The following GLIS3 variants were observed in gnomAD, a reference collection of about 807,000 sequenced individuals.
GLIS3 encodes GLIS family zinc finger 3, also known as zinc finger protein GLIS3.
In GLIS3, 53 loss-of-function variants were observed where a neutral mutation model predicts 78.6. That is an observed-to-expected ratio of 0.67 (90% CI 0.54 to 0.85). The LOEUF is 0.85. Among genes scored for constraint, GLIS3 ranks in the 40% least tolerant of loss-of-function variants. GLIS3 has a pLI of 0.00. For missense variants in GLIS3, 1,703 were observed against 1,231.1 expected, an observed-to-expected ratio of 1.38 and a Z score of -5.74; for synonymous variants, 684 against 509.9, an observed-to-expected ratio of 1.34 and a Z score of -4.60.
chr9:4,226,097 C>G (rs1247467499), intron 2 of GLIS3, among the ~76,000 whole-genome samples: 3 of 152,198 alleles, frequency 2.0e-5, no homozygotes, highest in African/African-American at 7.2e-5. Context: ...CAACTTCAAA[C>G]ATACGCTGGT....
chr9:4,265,129 G>A (rs532288452), intron 2 of GLIS3, among the ~76,000 whole-genome samples: 2 of 144,220 alleles, frequency 1.4e-5, no homozygotes, highest in Non-Finnish European at 3.0e-5. Flanking sequence ...CCGAGATCAC[G>A]CCACTGCACT....
the GLIS3 span, among the ~76,000 whole-genome samples, chr9:4,416,529 C>G: frequency 6.6e-6 from 1 of 151,892 alleles, no homozygotes; most frequent in Non-Finnish European, 1.5e-5. Flanking sequence ...ATAATATGAA[C>G]TATATTTTTT....
intron 2 of GLIS3, among the ~76,000 whole-genome samples, chr9:4,164,941 G>T (rs1835765191): frequency 1.3e-5 from 2 of 152,164 alleles, no homozygotes; most frequent in African/African-American, 4.8e-5. Flanking sequence ...GGGAAGTGAA[G>T]AGAGATTGAT....
Position 3,854,235 on chromosome 9 carries a change from C to G in GLIS3, c.2473+1774G>C, listed in dbSNP as rs1014604367. Among the ~76,000 whole-genome samples the G allele has an allele frequency of 3.3e-5, 5 of 152,216 alleles. No homozygotes were observed. The South Asian group carries it at 1.0e-3, about 32-fold the overall frequency. ...CTCAATTTGACTGTCTTTTGCATGC[C>G]TTGATGCCTTGTCTTGTGCACAGTA... On this transcript the variant is annotated intron_variant, in intron 9 of 10. Transcript: ENST00000381971.
At chr9:4,370,135 T>C in the GLIS3 span, among the ~76,000 whole-genome samples, 3 of 129,378 alleles carry the variant, frequency 2.3e-5, no homozygotes, top group Non-Finnish European at 4.6e-5. Flanking sequence ...GAGGTTGCAG[T>C]CATCCAAGAT....
At chr9:4,101,902 G>A (rs552945260) in intron 4 of GLIS3, among the ~76,000 whole-genome samples, 2 of 152,150 alleles carry the variant, frequency 1.3e-5, no homozygotes, top group Non-Finnish European at 2.9e-5. Flanking sequence ...TTCACTTCCA[G>A]AACAAAGTGG....
intron 2 of GLIS3, among the ~76,000 whole-genome samples, chr9:4,316,601 A>G (rs893507408): frequency 2.0e-5 from 3 of 152,148 alleles, no homozygotes; most frequent in Non-Finnish European, 4.4e-5. Context: ...CAAAGTGTGC[A>G]TGCTAGGTGA....
chr9:4,469,594 C>A, the GLIS3 span, among the ~76,000 whole-genome samples: 2 of 152,246 alleles, frequency 1.3e-5, no homozygotes, highest in East Asian at 1.9e-4. Context: ...CCAAACATAA[C>A]AAAGACACAA....
At chr9:4,070,075 C>T (rs1298210509) in intron 4 of GLIS3, among the ~76,000 whole-genome samples, 2 of 152,114 alleles carry the variant, frequency 1.3e-5, no homozygotes, top group Non-Finnish European at 2.9e-5. Context: ...AATCAAAATA[C>T]TCAAGTGATT....
chr9:4,069,164 G>A (rs369273223), intron 4 of GLIS3, among the ~76,000 whole-genome samples: 1 of 152,162 alleles, frequency 6.6e-6, no homozygotes, highest in Non-Finnish European at 1.5e-5. Flanking sequence ...GGAACCTGCC[G>A]AGCAGAGGAG....
intron 2 of GLIS3, among the ~76,000 whole-genome samples, chr9:4,203,956 C>T (rs1043062163): frequency 2.0e-5 from 3 of 152,184 alleles, no homozygotes; most frequent in Non-Finnish European, 4.4e-5. Context: ...AAGACTACTA[C>T]AGTGGGGAAA....
chr9:4,329,033 G>T (rs10974471), intron 2 of GLIS3, among the ~76,000 whole-genome samples: 36,372 of 152,130 alleles, frequency 0.24, 6,194 homozygotes, highest in African/African-American at 0.49. Flanking sequence ...ATGAGTAAGA[G>T]TCTCTCAAAT....
At chr9:4,033,588 T>C (rs1824040570) in intron 4 of GLIS3, among the ~76,000 whole-genome samples, 1 of 152,242 alleles carries the variant, frequency 6.6e-6, no homozygotes, top group South Asian at 2.1e-4. Flanking sequence ...AATAGGAGCA[T>C]GGACTTCCCC....
At chr9:3,889,981 G>A (rs1822324335) in intron 7 of GLIS3, among the ~76,000 whole-genome samples, 1 of 152,126 alleles carries the variant, frequency 6.6e-6, no homozygotes, top group Non-Finnish European at 1.5e-5. Context: ...TTTGAGGTAA[G>A]CAACAGTCAA....
chr9:3,833,444 T>C (rs554496740), intron 9 of GLIS3, among the ~76,000 whole-genome samples: 1 of 152,254 alleles, frequency 6.6e-6, no homozygotes, highest in Admixed American at 6.5e-5. Context: ...ATTCCAGCGG[T>C]TGGATTTCAC....
chr9:4,209,686 G>C (rs1820214452), intron 2 of GLIS3, among the ~76,000 whole-genome samples: 1 of 152,142 alleles, frequency 6.6e-6, no homozygotes, highest in African/African-American at 2.4e-5. Flanking sequence ...CTCTCTGCCA[G>C]GGTTTCTTAA....
intron 2 of GLIS3, among the ~76,000 whole-genome samples, chr9:4,278,764 T>A (rs74720579): frequency 6.6e-6 from 1 of 152,350 alleles, no homozygotes; most frequent in East Asian, 1.9e-4. Context: ...CTTATACATT[T>A]TGAAAGAGAA....
chr9:4,392,523 G>C, the GLIS3 span, among the ~76,000 whole-genome samples: 1 of 152,154 alleles, frequency 6.6e-6, no homozygotes, highest in Non-Finnish European at 1.5e-5. Flanking sequence ...CTGGGGAAGG[G>C]AGATTGAAGT....
intron 2 of GLIS3, among the ~76,000 whole-genome samples, chr9:4,151,299 C>T (rs1054530291): frequency 6.6e-6 from 1 of 152,170 alleles, no homozygotes; most frequent in Non-Finnish European, 1.5e-5. Flanking sequence ...CAGATTGTTA[C>T]ATTTTTAAAA....
Sources: allele counts gnomAD v4.1 joint callset (sites outside exome capture counted in the v4.1 genomes callset), GRCh38; gene constraint gnomAD v4.1.1; transcripts MANE v1.5; gene names NCBI Gene and HGNC (gene_info 2026-07-23, HGNC 2026-07-21).